MOSMO: variants seen among roughly 807,000 people sequenced by gnomAD.
The protein encoded by MOSMO is modulator of smoothened protein.
A neutral mutation model predicts 18.4 loss-of-function variants in MOSMO; 5 were observed. The observed-to-expected ratio is 0.27, with a 90% CI of 0.14 to 0.57. The LOEUF (loss-of-function observed/expected upper bound fraction) is 0.57, where lower values mean the gene tolerates loss of function less well. Ranked by LOEUF, MOSMO falls within the 20% of genes least tolerant of loss-of-function variation. The pLI is 0.92. For synonymous variants in MOSMO, 82 were observed against 82.3 expected (o/e 1.00, Z 0.02); for missense variants, 138 against 211.8 (o/e 0.65, Z 2.16).
chr16:22,051,568 C>T (rs932311433), intron 1 of MOSMO, among the ~76,000 whole-genome samples: 2 of 152,098 alleles, frequency 1.3e-5, no homozygotes, highest in African/African-American at 4.8e-5. Flanking sequence ...ACAACAGCTC[C>T]ATGCCCCTTC....
chr16:22,032,215 A>T (rs1900009379), intron 1 of MOSMO, among the ~76,000 whole-genome samples: 1 of 130,816 alleles, frequency 7.6e-6, no homozygotes. Context: ...TTGGTGAGAG[A>T]TTCTCACTCT....
intron 2 of MOSMO, among the ~76,000 whole-genome samples, chr16:22,077,256 A>C (rs577346362): frequency 7.4e-4 from 112 of 152,332 alleles, no homozygotes; most frequent in South Asian, 2.7e-3. Flanking sequence ...TGCTCTCATG[A>C]GCTATAGATT....
Position 22,075,684 on chromosome 16 carries a change from A to G in MOSMO, c.304A>G (p.Ile102Val). 1 of 1,537,168 alleles carries G rather than the reference A, an allele frequency of 6.5e-7. No individual in the cohort carries two copies. Among genetic ancestry groups the G allele is most frequent in the South Asian group, 1.2e-5 (1 of 84,050 alleles). The change falls in exon 2 of 3, where the codon ATA becomes GTA. Residue 102 changes from isoleucine (I) to valine (V), a missense_variant. Physicochemically the swap from Ile to Val is conservative, Grantham distance 29. Coordinates refer to ENST00000542527, the MANE Select transcript of MOSMO (RefSeq NM_001164579.2). ...AGAAGCTACAAAATATGCTCGATGG[A>G]TAGCATTCACTGGAAGTAAGTAACC... Reference protein sequence around the residue: ...RREATKYARWIAFTGMILFCM... With the variant: ...RREATKYARWVAFTGMILFCM...
At chr16:22,068,590 C>T (rs1317216480) in intron 1 of MOSMO, among the ~76,000 whole-genome samples, 1 of 152,150 alleles carries the variant, frequency 6.6e-6, no homozygotes, top group Non-Finnish European at 1.5e-5. Context: ...TTGGATTTGC[C>T]TATTCTGGAC....
chr16:22,044,565 T>A (rs1403346179), intron 1 of MOSMO, among the ~76,000 whole-genome samples: 2 of 152,164 alleles, frequency 1.3e-5, no homozygotes. Flanking sequence ...ACCGTAAGTA[T>A]AATTAATGCA....
chr16:22,012,980 G>A (rs1899563834), intron 1 of MOSMO, among the ~76,000 whole-genome samples: 1 of 152,096 alleles, frequency 6.6e-6, no homozygotes, highest in African/African-American at 2.4e-5. Context: ...ATGTATGGGG[G>A]AAGGCACTCT....
At position 22,082,640 on chromosome 16, in the gene MOSMO, A is replaced by G. The variant is rs150288212; in HGVS notation, c.*1760A>G. The G allele has an allele frequency of 1.5e-4, 23 of 152,292 alleles. No homozygotes were observed. The highest frequency in any genetic ancestry group is 5.5e-4 in the African/African-American group (23 of 41,558). 9.4% of individuals were successfully genotyped at this position (152,292 alleles called of 1,614,324 possible). A position where few individuals can be genotyped will look rare whatever the true frequency, so the allele number is the denominator to read the frequency against. On this transcript the variant is annotated 3_prime_UTR_variant, in exon 3 of 3. Coordinates refer to ENST00000542527, the MANE Select transcript of MOSMO (RefSeq NM_001164579.2). ...CAGTTCTAGAATGATTACTTCAAAG[A>G]TGGGAGCTACCTCCTCAGATATTCA... is the stretch of plus-strand genomic sequence containing the variant.
intron 1 of MOSMO, among the ~76,000 whole-genome samples, chr16:22,050,121 G>T: frequency 6.6e-6 from 1 of 152,274 alleles, no homozygotes; most frequent in Non-Finnish European, 1.5e-5. Flanking sequence ...CTTGGATCCT[G>T]CCTGGGTTCC....
downstream of MOSMO, among the ~76,000 whole-genome samples, chr16:22,087,815 AGAAATTAT>A (rs1369976518): frequency 1.3e-5 from 2 of 152,204 alleles, no homozygotes; most frequent in Admixed American, 1.3e-4. Context: ...TTGTGGAGAA[AGAAATTAT>A]GACCTTGAGC....
intron 1 of MOSMO, among the ~76,000 whole-genome samples, chr16:22,060,880 A>G (rs1900631079): frequency 6.6e-6 from 1 of 152,044 alleles, no homozygotes; most frequent in Non-Finnish European, 1.5e-5. Flanking sequence ...TCTCAAAAAA[A>G]GAAAAAAAAA....
chr16:22,016,185 C>A (rs1030569599), intron 1 of MOSMO, among the ~76,000 whole-genome samples: 1 of 152,084 alleles, frequency 6.6e-6, no homozygotes. Flanking sequence ...TCTTGGATTC[C>A]TTTTTTATTA....
chr16:22,073,547 T>G (rs1168819414), intron 1 of MOSMO, among the ~76,000 whole-genome samples: 1 of 149,164 alleles, frequency 6.7e-6, no homozygotes, highest in Non-Finnish European at 1.5e-5. Flanking sequence ...TCCCTCAAGT[T>G]TTTTTTTTTT....
chr16:22,089,270 G>T (rs952251930), downstream of MOSMO, among the ~76,000 whole-genome samples: 11 of 152,068 alleles, frequency 7.2e-5, no homozygotes, highest in African/African-American at 2.7e-4. Flanking sequence ...GTCTCACTTT[G>T]TTGCCCAGAC....
Position 22,021,806 on chromosome 16 carries a change from A to AAT in MOSMO, c.106+13411_106+13412dup, listed in dbSNP as rs201398911. Among the ~76,000 whole-genome samples the AAT allele has an allele frequency of 1.7e-4, 26 of 151,436 alleles. 1 individual carries two copies. Among genetic ancestry groups the AAT allele is most frequent in the South Asian group, 6.3e-4 (3 of 4,784 alleles). On this transcript the variant is annotated intron_variant, in intron 1 of 2. Coordinates refer to ENST00000542527, the MANE Select transcript of MOSMO (RefSeq NM_001164579.2). ...GAGTGAGACCCTGTCTCAAAAAAAA[A>AAT]ATATATATATATAGGGGAGAAGTCA...
intron 1 of MOSMO, among the ~76,000 whole-genome samples, chr16:22,015,746 A>G (rs772283046): frequency 6.6e-6 from 1 of 152,120 alleles, no homozygotes; most frequent in Non-Finnish European, 1.5e-5. Flanking sequence ...TTCCTTTACA[A>G]CCTTAGTTCC....
chr16:22,009,713 C>A (rs1899478353), intron 1 of MOSMO, among the ~76,000 whole-genome samples: 1 of 145,112 alleles, frequency 6.9e-6, no homozygotes, highest in African/African-American at 2.6e-5. Context: ...GTAATCCCAG[C>A]ACTTTGGGAG....
intron 1 of MOSMO, among the ~76,000 whole-genome samples, chr16:22,056,478 C>A (rs866952655): frequency 2.1e-5 from 3 of 143,380 alleles, no homozygotes; most frequent in Non-Finnish European, 3.0e-5. Context: ...TCAAGCAATT[C>A]TCCTGCCTCA....
At chr16:22,030,072 C>A (rs1216239058) in intron 1 of MOSMO, among the ~76,000 whole-genome samples, 2 of 152,182 alleles carry the variant, frequency 1.3e-5, no homozygotes, top group African/African-American at 2.4e-5. Flanking sequence ...AGTTTCCTAG[C>A]AAAATTGCAT....
At chr16:22,035,638 A>G (rs1359945093) in intron 1 of MOSMO, among the ~76,000 whole-genome samples, 1 of 151,898 alleles carries the variant, frequency 6.6e-6, no homozygotes, top group Admixed American at 6.6e-5. Context: ...TTTTGTATCT[A>G]CCTGTTTGTC....
Sources: gnomAD v4.1 joint callset for allele counts (sites outside exome capture counted in the v4.1 genomes callset) on GRCh38, gnomAD v4.1.1 for gene constraint, MANE v1.5 for transcripts, NCBI Gene and HGNC (gene_info 2026-07-23, HGNC 2026-07-21) for gene names.